IL1RAPL1: variants seen among roughly 807,000 people sequenced by gnomAD.
The protein encoded by IL1RAPL1 is interleukin 1 receptor accessory protein like 1.
A neutral mutation model predicts 48.4 loss-of-function variants in IL1RAPL1; 3 were observed. The ratio of observed to expected loss-of-function variants is 0.06; its 90% CI spans 0.03 to 0.16. The LOEUF (loss-of-function observed/expected upper bound fraction) is 0.16. Among genes scored for constraint, IL1RAPL1 ranks in the 10% least tolerant of loss-of-function variants. The pLI, the probability that IL1RAPL1 is intolerant of heterozygous loss-of-function variation, is 1.00. For synonymous variants in IL1RAPL1, 185 were observed against 187.7 expected, an observed-to-expected ratio of 0.99 and a Z score of 0.12; for missense variants, 349 against 530.6, an observed-to-expected ratio of 0.66 and a Z score of 3.36.
chrX:28,849,139 TAAA>T (rs34892376), intron 2 of IL1RAPL1, among the ~76,000 whole-genome samples: 1 of 99,712 alleles, frequency 1.0e-5, no homozygotes. Context: ...ACAAGGCAAT[TAAA>T]AAAAAAAAAA....
At chrX:28,925,027 T>A (rs1194769439) in intron 2 of IL1RAPL1, among the ~76,000 whole-genome samples, 1 of 111,496 alleles carries the variant, frequency 9.0e-6, no homozygotes, top group Non-Finnish European at 1.9e-5. Context: ...TTTCATTCTG[T>A]TATCTACATC....
intron 2 of IL1RAPL1, among the ~76,000 whole-genome samples, chrX:28,902,719 C>G: frequency 9.0e-6 from 1 of 111,729 alleles, no homozygotes; most frequent in Non-Finnish European, 1.9e-5. Context: ...AAACGTCGGG[C>G]CACAGACCAG....
rs185888049 is a variant in IL1RAPL1, at chrX:29,508,894, C to A, written c.703+109586C>A. ...TTACCACTTTTTTATATGGAGAAGTCAAAAATTAGTACTCTACAAATTCTA... is the reference window on the plus strand; with the variant it reads ...TTACCACTTTTTTATATGGAGAAGTAAAAAATTAGTACTCTACAAATTCTA... On this transcript the variant is annotated intron_variant, in intron 5 of 10. Coordinates refer to ENST00000378993, the MANE Select transcript of IL1RAPL1 (RefSeq NM_014271.4). Among the ~76,000 whole-genome samples the A allele has an allele frequency of 9.2e-3, 1,026 of 111,804 alleles. 12 individuals carry two copies. In the South Asian group the frequency reaches 0.1, roughly 11 times the overall value.
In IL1RAPL1 at chrX:29,121,949, A is replaced by G. The variant is rs760866111; in HGVS notation, c.83-160989A>G. On this transcript the variant is annotated intron_variant, in intron 2 of 10. Transcript: ENST00000378993. ...TAGGTGATATTTAATATTTTAAAAT[A>G]TCTGTGAAATTAGTGATATCAGCCT... Among the ~76,000 whole-genome samples the G allele has an allele frequency of 2.7e-5, 3 of 112,039 alleles. No individual in the cohort carries two copies. In the South Asian group the frequency reaches 1.1e-3, roughly 41 times the overall value.
At position 29,052,098 on chromosome X, in the gene IL1RAPL1, A is replaced by C. The variant is rs1221363643; in HGVS notation, c.83-230840A>C. Among the ~76,000 whole-genome samples the C allele has an allele frequency of 3.6e-5, 4 of 112,143 alleles. No homozygotes were observed. In the South Asian group the frequency reaches 1.5e-3, roughly 42 times the overall value. ...TAAATGGGAATTTAGCACCTCTATT[A>C]AATTTTTCACACAGCTTCCATTCTG... On this transcript the variant is annotated intron_variant, in intron 2 of 10. Transcript: ENST00000378993.
intron 2 of IL1RAPL1, among the ~76,000 whole-genome samples, chrX:29,113,832 TAA>T (rs774955538): frequency 1.8e-5 from 2 of 111,608 alleles, no homozygotes; most frequent in Non-Finnish European, 3.8e-5. Flanking sequence ...TGAATAATGA[TAA>T]GTTTTTATTT....
At chrX:28,661,142 A>G (rs970190117) in intron 1 of IL1RAPL1, among the ~76,000 whole-genome samples, 1 of 112,047 alleles carries the variant, frequency 8.9e-6, no homozygotes, top group Non-Finnish European at 1.9e-5. Flanking sequence ...ATAAAATTCA[A>G]TTGAGGAAGG....
chrX:28,820,519 T>C (rs1936925917), intron 2 of IL1RAPL1, among the ~76,000 whole-genome samples: 1 of 111,651 alleles, frequency 9.0e-6, no homozygotes, highest in South Asian at 3.7e-4. Context: ...GTTATTCAAA[T>C]AGGAACAACA....
chrX:29,796,805 C>T (rs762882404), intron 6 of IL1RAPL1, among the ~76,000 whole-genome samples: 51 of 112,767 alleles, frequency 4.5e-4, no homozygotes, highest in African/African-American at 1.6e-3. Flanking sequence ...TCCTGCATCT[C>T]CAATCTCAGT....
intron 3 of IL1RAPL1, among the ~76,000 whole-genome samples, chrX:29,347,945 T>C (rs1438095123): frequency 9.0e-6 from 1 of 111,508 alleles, no homozygotes; most frequent in African/African-American, 3.3e-5. Context: ...GTTCATGTTT[T>C]GGGCAGACCA....
In IL1RAPL1 at chrX:28,954,885, C is replaced by A. The variant is rs1482955; in HGVS notation, c.82+165460C>A. ...ATATCTATTCTCCTTTCCTCATTTA[C>A]CCCCACATTCATGTCATTTGCCTGG... On this transcript the variant is annotated intron_variant, in intron 2 of 10. Coordinates refer to ENST00000378993, the MANE Select transcript of IL1RAPL1 (RefSeq NM_014271.4). 1.2e-3 allele frequency among the ~76,000 whole-genome samples: 137 copies of A among 111,737 alleles called. 1 individual carries two copies. Among genetic ancestry groups the A allele is most frequent in the African/African-American group, 4.2e-3 (131 of 30,865 alleles).
chrX:28,672,225 TA>T (rs370841968), intron 1 of IL1RAPL1, among the ~76,000 whole-genome samples: 1,461 of 108,929 alleles, frequency 0.013, 26 homozygotes, highest in African/African-American at 0.045. Flanking sequence ...GAAAGAATGT[TA>T]AAAAAAAAAT....
chrX:28,995,094 A>C (rs1309173099), intron 2 of IL1RAPL1, among the ~76,000 whole-genome samples: 1 of 111,336 alleles, frequency 9.0e-6, no homozygotes, highest in Non-Finnish European at 1.9e-5. Flanking sequence ...TGTGAATGTG[A>C]TCTTACATAG....
intron 2 of IL1RAPL1, among the ~76,000 whole-genome samples, chrX:28,908,694 G>A (rs1406598305): frequency 9.0e-6 from 1 of 111,475 alleles, no homozygotes; most frequent in Non-Finnish European, 1.9e-5. Flanking sequence ...TATAAATGTC[G>A]AATATATCAA....
At chrX:29,678,819 T>A (rs1404398769) in intron 6 of IL1RAPL1, among the ~76,000 whole-genome samples, 4 of 111,697 alleles carry the variant, frequency 3.6e-5, no homozygotes, top group Non-Finnish European at 7.5e-5. Flanking sequence ...TGTTTTAAAA[T>A]AAGTCTTGGC....
intron 8 of IL1RAPL1, among the ~76,000 whole-genome samples, chrX:29,934,328 A>G (rs1932994577): frequency 8.9e-6 from 1 of 111,983 alleles, no homozygotes; most frequent in African/African-American, 3.2e-5. Context: ...GGCAATGTAA[A>G]TCAGCTAAGA....
chrX:28,794,527 G>A (rs935056664), intron 2 of IL1RAPL1, among the ~76,000 whole-genome samples: 1 of 111,503 alleles, frequency 9.0e-6, no homozygotes, highest in African/African-American at 3.3e-5. Context: ...CAAAAAGCAC[G>A]TTATTTTAGG....
chrX:28,788,625 C>T (rs1253193389), intron 1 of IL1RAPL1, among the ~76,000 whole-genome samples: 1 of 89,381 alleles, frequency 1.1e-5, no homozygotes, highest in Non-Finnish European at 2.2e-5. Flanking sequence ...CTCCACCACG[C>T]CCAGCTATTT....
At chrX:29,354,788 AAAT>A (rs754581675) in intron 3 of IL1RAPL1, among the ~76,000 whole-genome samples, 2 of 112,475 alleles carry the variant, frequency 1.8e-5, no homozygotes, top group Admixed American at 1.9e-4. Flanking sequence ...AAGTGAAAGG[AAAT>A]AATGTTCTTT....
Sources: allele counts gnomAD v4.1 joint callset (sites outside exome capture counted in the v4.1 genomes callset), GRCh38; gene constraint gnomAD v4.1.1; transcripts MANE v1.5; gene names NCBI Gene and HGNC (gene_info 2026-07-23, HGNC 2026-07-21).